PCDHA1: variants seen among roughly 807,000 people sequenced by gnomAD.
PCDHA1 encodes protocadherin alpha 1.
Under a neutral mutation model 61.3 loss-of-function variants are expected in PCDHA1, and 42 were observed. The ratio of observed to expected loss-of-function variants is 0.69; its 90% CI spans 0.54 to 0.89. The LOEUF is 0.89. Ranked by LOEUF, PCDHA1 falls within the 40% of genes least tolerant of loss-of-function variation. The probability of loss-of-function intolerance (pLI) is 0.00; values close to 1 mark genes in which losing one functional copy is unlikely to be tolerated. For synonymous variants in PCDHA1, 610 were observed against 553.8 expected (o/e 1.10, Z -1.43); for missense variants, 1,256 against 1,235.3 (o/e 1.02, Z -0.25).
intron 1 of PCDHA1, chr5:140,855,953 TA>T: frequency 7.2e-7 from 1 of 1,381,088 alleles, no homozygotes; most frequent in Non-Finnish European, 9.9e-7. Context: ...GCCATTTCGA[TA>T]AAAAATAGAT....
intron 1 of PCDHA1, chr5:140,822,035 C>T (rs2150113040): frequency 6.2e-7 from 1 of 1,614,202 alleles, no homozygotes; most frequent in South Asian, 1.1e-5. Context: ...TTTGTGAATT[C>T]TCGGATCGAC....
chr5:140,867,911 T>C (rs2050196676), intron 1 of PCDHA1: 1 of 152,134 alleles, frequency 6.6e-6, no homozygotes. Context: ...GAAGGTATAA[T>C]TAAAAATCAC....
chr5:140,899,619 A>G (rs2067442008), intron 1 of PCDHA1, among the ~76,000 whole-genome samples: 2 of 152,136 alleles, frequency 1.3e-5, no homozygotes, highest in Admixed American at 1.3e-4. Context: ...AATGTTCATC[A>G]AGGATATTGG....
intron 1 of PCDHA1, chr5:140,848,587 T>C (rs2150413508): frequency 6.3e-7 from 1 of 1,594,838 alleles, no homozygotes; most frequent in Non-Finnish European, 8.6e-7. Flanking sequence ...AGCGGCCAGC[T>C]CCACTACTCC....
At chr5:140,876,957 G>T (rs2056730695) in intron 1 of PCDHA1, 7 of 1,613,178 alleles carry the variant, frequency 4.3e-6, no homozygotes, top group Non-Finnish European at 5.9e-6. Context: ...ACTCGCTGGT[G>T]GAGCGGCGGG....
intron 1 of PCDHA1, among the ~76,000 whole-genome samples, chr5:140,957,326 C>G (rs2095350528): frequency 6.6e-6 from 1 of 152,118 alleles, no homozygotes; most frequent in African/African-American, 2.4e-5. Context: ...GAGCACAGTA[C>G]AGTAAGATAT....
intron 1 of PCDHA1, chr5:140,834,490 C>CCG (rs1360938098): frequency 5.0e-6 from 8 of 1,614,154 alleles, no homozygotes; most frequent in Non-Finnish European, 5.9e-6. Flanking sequence ...TACTCGGTCC[C>CCG]CGAGGAGGCT....
At chr5:140,882,868 G>T in intron 1 of PCDHA1, 1 of 1,614,184 alleles carries the variant, frequency 6.2e-7, no homozygotes, top group Non-Finnish European at 8.5e-7. Context: ...GGAAAACACT[G>T]GACAGAGAGG....
chr5:140,969,283 T>A, intron 1 of PCDHA1: 61 of 1,614,200 alleles, frequency 3.8e-5, no homozygotes, highest in Non-Finnish European at 5.2e-5. Flanking sequence ...GTGGTCAGAA[T>A]GCTGGGAACC....
intron 1 of PCDHA1, chr5:140,847,744 C>T (rs1554141887): frequency 6.7e-6 from 1 of 149,678 alleles, no homozygotes; most frequent in Non-Finnish European, 1.5e-5. Flanking sequence ...ATTTTCTCCC[C>T]ACGCAACACA....
In PCDHA1 at chr5:140,857,546, G is replaced by A. The variant is rs1554150192; in HGVS notation, c.2394+68862G>A. 8 of 1,596,870 alleles carry A rather than the reference G, an allele frequency of 5.0e-6. 2 individuals carry two copies. In the Admixed American group the frequency reaches 8.4e-5, roughly 17 times the overall value. On this transcript the variant is annotated intron_variant, in intron 1 of 3. Coordinates refer to ENST00000504120, the MANE Select transcript of PCDHA1 (RefSeq NM_018900.4). ...CTCTCTGGTGGAGCGGCGGTTGGGC[G>A]AGCGCTCGCTGTCGAGCTACGTGTC...
intron 1 of PCDHA1, chr5:140,802,586 C>A: frequency 1.2e-6 from 2 of 1,614,092 alleles, no homozygotes; most frequent in Non-Finnish European, 1.7e-6. Context: ...ACACGGTGTT[C>A]GTGAAGGAGA....
chr5:140,848,615 A>G, intron 1 of PCDHA1: 1 of 1,593,618 alleles, frequency 6.3e-7, no homozygotes, highest in East Asian at 2.2e-5. Flanking sequence ...AGGAAGCCGA[A>G]CACGGCACCT....
intron 1 of PCDHA1, chr5:140,855,976 G>C: frequency 6.9e-7 from 1 of 1,448,118 alleles, no homozygotes; most frequent in Non-Finnish European, 9.3e-7. Context: ...TAAGAAATAG[G>C]ACAGAAAATG....
At chr5:140,995,860 A>C (rs1220139939) in intron 3 of PCDHA1, among the ~76,000 whole-genome samples, 1 of 152,220 alleles carries the variant, frequency 6.6e-6, no homozygotes, top group Non-Finnish European at 1.5e-5. Flanking sequence ...CGTATCACTT[A>C]ATAATTGTGC....
At chr5:140,846,397 C>T (rs1477353546) in intron 1 of PCDHA1, among the ~76,000 whole-genome samples, 11 of 101,188 alleles carry the variant, frequency 1.1e-4, no homozygotes, top group Non-Finnish European at 1.7e-4. Context: ...TTTTTTGAGA[C>T]GGAGTCTCGC....
At chr5:140,805,280 G>A (rs2149983701) in intron 1 of PCDHA1, 1 of 1,277,108 alleles carries the variant, frequency 7.8e-7, no homozygotes, top group South Asian at 2.6e-5. Flanking sequence ...TATTACAAAT[G>A]AAATGGGTGA....
chr5:140,880,309 A>G (rs2058299906), intron 1 of PCDHA1, among the ~76,000 whole-genome samples: 1 of 152,236 alleles, frequency 6.6e-6, no homozygotes. Flanking sequence ...TGAAAGAAAC[A>G]AGTAAAAAAT....
intron 1 of PCDHA1, among the ~76,000 whole-genome samples, chr5:140,891,306 A>G (rs1452305510): frequency 6.6e-6 from 1 of 152,034 alleles, no homozygotes; most frequent in African/African-American, 2.4e-5. Flanking sequence ...ATTTGATTAC[A>G]TGAGTAAGTT....
Sources: gnomAD v4.1 joint callset for allele counts (sites outside exome capture counted in the v4.1 genomes callset) on GRCh38, gnomAD v4.1.1 for gene constraint, MANE v1.5 for transcripts, NCBI Gene and HGNC (gene_info 2026-07-23, HGNC 2026-07-21) for gene names.